DLG5: variants seen among roughly 807,000 people sequenced by gnomAD.
DLG5 encodes the protein discs large MAGUK scaffold protein 5.
DLG5 carries 48 observed loss-of-function variants against 189.8 expected under a neutral mutation model. The observed-to-expected ratio is 0.25, with a 90% CI of 0.20 to 0.32. The LOEUF is 0.32. DLG5 is among the 10% of genes least tolerant of loss of function. The pLI is 1.00. For synonymous variants in DLG5, 1,016 were observed against 1,054.1 expected, an observed-to-expected ratio of 0.96 and a Z score of 0.70; for missense variants, 2,160 against 2,544.7, an observed-to-expected ratio of 0.85 and a Z score of 3.25.
intron 1 of DLG5, chr10:77,869,506 C>A: frequency 2.5e-6 from 1 of 393,944 alleles, no homozygotes; most frequent in Non-Finnish European, 4.6e-6. Context: ...TGACATGCCC[C>A]AGGTAAACAT....
intron 13 of DLG5, chr10:77,824,738 G>A (rs10160204): frequency 0.015 from 6,423 of 415,876 alleles, 356 homozygotes; most frequent in African/African-American, 0.12. Context: ...CCGAGGACCC[G>A]GAGGGAACAT....
At chr10:77,855,896 G>A (rs1844206029) in intron 3 of DLG5, among the ~76,000 whole-genome samples, 1 of 152,186 alleles carries the variant, frequency 6.6e-6, no homozygotes. Flanking sequence ...CTCCTTCCCA[G>A]AAAGTCCTCT....
intron 3 of DLG5, among the ~76,000 whole-genome samples, chr10:77,854,572 G>A (rs867149777): frequency 1.3e-5 from 2 of 152,190 alleles, no homozygotes; most frequent in African/African-American, 4.8e-5. Flanking sequence ...GGAGGGAGCC[G>A]TGGTTGCCTG....
At chr10:77,886,886 G>C (rs1277139078) in intron 1 of DLG5, among the ~76,000 whole-genome samples, 1 of 152,170 alleles carries the variant, frequency 6.6e-6, no homozygotes, top group Non-Finnish European at 1.5e-5. Context: ...ATGAAGAACT[G>C]CACGGAGAAC....
chr10:77,886,097 A>G (rs1412101708), intron 1 of DLG5, among the ~76,000 whole-genome samples: 1 of 152,254 alleles, frequency 6.6e-6, no homozygotes, highest in African/African-American at 2.4e-5. Context: ...GAATCATCCA[A>G]GCTGCTCTTT....
At chr10:77,873,638 G>A (rs1361485564) in intron 1 of DLG5, among the ~76,000 whole-genome samples, 5 of 152,018 alleles carry the variant, frequency 3.3e-5, no homozygotes, top group African/African-American at 9.7e-5. Flanking sequence ...ATGGAAGCAC[G>A]CCCCCAACAC....
At chr10:77,925,726 G>C (rs1275993433) in intron 1 of DLG5, among the ~76,000 whole-genome samples, 1 of 152,218 alleles carries the variant, frequency 6.6e-6, no homozygotes, top group South Asian at 2.1e-4. Flanking sequence ...TCTGAGCAGA[G>C]AAAAAGGAGC....
At chr10:77,896,797 C>A (rs1473084086) in intron 1 of DLG5, among the ~76,000 whole-genome samples, 1 of 151,338 alleles carries the variant, frequency 6.6e-6, no homozygotes, top group African/African-American at 2.4e-5. Flanking sequence ...CCAGCCTGGG[C>A]CACAAGAGTG....
chr10:77,855,080 T>C (rs1399663450), intron 3 of DLG5, among the ~76,000 whole-genome samples: 2 of 152,226 alleles, frequency 1.3e-5, no homozygotes, highest in Non-Finnish European at 2.9e-5. Context: ...ACTCTCAATC[T>C]TGGGTACACA....
the DLG5 span, among the ~76,000 whole-genome samples, chr10:77,940,707 T>G: frequency 6.6e-6 from 1 of 152,174 alleles, no homozygotes; most frequent in Non-Finnish European, 1.5e-5. Flanking sequence ...AATGACCCAG[T>G]CTTGCTCTCT....
At chr10:77,877,567 G>A (rs1038927370) in intron 1 of DLG5, among the ~76,000 whole-genome samples, 4 of 152,156 alleles carry the variant, frequency 2.6e-5, no homozygotes, top group African/African-American at 9.7e-5. Context: ...ATGGGAGCAG[G>A]GAGGGAGGGA....
intron 20 of DLG5, among the ~76,000 whole-genome samples, chr10:77,814,396 T>C (rs1328360437): frequency 6.9e-6 from 1 of 145,622 alleles, no homozygotes; most frequent in Non-Finnish European, 1.5e-5. Context: ...ACTTAAACTA[T>C]TAAAAATAGC....
chr10:77,854,315 C>T lies in DLG5; in HGVS notation c.592G>A (p.Ala198Thr), dbSNP rs369516363. 6.2e-7 allele frequency: 1 copy of T among 1,614,192 alleles called. No homozygotes were observed. The highest frequency in any genetic ancestry group is 8.5e-7 in the Non-Finnish European group (1 of 1,180,048). Residue 198 changes from alanine (A) to threonine (T), a missense_variant, in exon 4 of 32, where the codon GCC (alanine) becomes ACC (threonine). This residue lies in a region of DLG5 where 664 missense variants were observed against 838.5 expected (regional missense o/e 0.79). Coordinates refer to ENST00000372391, the MANE Select transcript of DLG5 (RefSeq NM_004747.4). ...TGCAGGCTCTGCAGGTCCGACATGG[C>T]TCGCACGCACTGGATCTTCAGCCTC... ...YERLKIQCVR[A>T]MSDLQSLQNQ...
Position 77,842,092 on chromosome 10 carries a change from G to A in DLG5, c.1226C>T (p.Thr409Ile), listed in dbSNP as rs1476956136. Residue 409 changes from threonine to isoleucine, a missense_variant, in exon 7 of 32, where the codon ACC becomes ATC. This residue lies in a region of DLG5 where 664 missense variants were observed against 838.5 expected (regional missense o/e 0.79). Coordinates refer to ENST00000372391, the MANE Select transcript of DLG5 (RefSeq NM_004747.4). ...LLQSELTELR[T>I]TQVKTAKESE... Reference sequence around the variant, plus strand: ...CTCCTTTGCTGTCTTCACCTGCGTGGTTCTCAGCTCGGTCAGCTCTGACTG... The same window carrying A: ...CTCCTTTGCTGTCTTCACCTGCGTGATTCTCAGCTCGGTCAGCTCTGACTG... The A allele has an allele frequency of 1.2e-6, 2 of 1,613,742 alleles. No individual in the cohort carries two copies. Among genetic ancestry groups the A allele is most frequent in the East Asian group, 2.2e-5 (1 of 44,890 alleles).
chr10:77,824,777 C>T (rs1450207083), intron 13 of DLG5: 5 of 318,652 alleles, frequency 1.6e-5, no homozygotes, highest in East Asian at 5.9e-5. Context: ...GGCCATGTGG[C>T]GTGGGACCTT....
At chr10:77,860,628 C>T (rs1188965641) in intron 2 of DLG5, among the ~76,000 whole-genome samples, 2 of 152,190 alleles carry the variant, frequency 1.3e-5, no homozygotes, top group African/African-American at 4.8e-5. Flanking sequence ...AAATGCTTTT[C>T]ATACATTATC....
At position 77,809,570 on chromosome 10, in the gene DLG5, C is replaced by G. The variant is rs777626801; in HGVS notation, c.4624G>C (p.Val1542Leu). ...ACCTCCAGGATGAGGTCCCCTGGCA[C>G]GAGGCCGTCAGGACCCTTGGCAGGA... ...DSPAKGPDGL[V>L]PGDLILEYGS... The change falls in exon 24 of 32, where the codon GTG (valine) becomes CTG (leucine). Residue 1542 changes from valine (V) to leucine (L), a missense_variant. This residue lies in a region of DLG5 where 574 missense variants were observed against 644.2 expected (regional missense o/e 0.89). Coordinates refer to ENST00000372391, the MANE Select transcript of DLG5 (RefSeq NM_004747.4). The G allele has an allele frequency of 1.2e-5, 20 of 1,613,726 alleles. No individual in the cohort carries two copies. Among genetic ancestry groups the G allele is most frequent in the Non-Finnish European group, 1.6e-5 (19 of 1,179,826 alleles).
intron 1 of DLG5, among the ~76,000 whole-genome samples, chr10:77,899,984 C>A (rs993912053): frequency 3.3e-5 from 5 of 152,180 alleles, no homozygotes; most frequent in African/African-American, 1.2e-4. Flanking sequence ...GGCCTAAAGT[C>A]AAAAAGCCTT....
chr10:77,852,776 G>A (rs1270236830), intron 5 of DLG5, among the ~76,000 whole-genome samples: 1 of 152,182 alleles, frequency 6.6e-6, no homozygotes, highest in African/African-American at 2.4e-5. Context: ...TGAACCTGTG[G>A]TCTTGGATTA....
Sources: allele counts gnomAD v4.1 joint callset (sites outside exome capture counted in the v4.1 genomes callset), GRCh38; gene constraint gnomAD v4.1.1; regional missense constraint gnomAD v4.1.1; transcripts MANE v1.5; gene names NCBI Gene and HGNC (gene_info 2026-07-23, HGNC 2026-07-21).